The following NELL1 variants were observed in gnomAD, a reference collection of about 807,000 sequenced individuals.
The protein encoded by NELL1 is neural EGFL like 1, also known as protein kinase C-binding protein NELL1.
Under a neutral mutation model 107.4 loss-of-function variants are expected in NELL1, and 76 were observed. The ratio of observed to expected loss-of-function variants is 0.71; its 90% CI spans 0.59 to 0.86. The LOEUF (loss-of-function observed/expected upper bound fraction) is 0.86, where lower values mean the gene tolerates loss of function less well. Among genes scored for constraint, NELL1 ranks in the 40% least tolerant of loss-of-function variants. The pLI is 0.00. For missense variants in NELL1, 1,024 were observed against 1,005.5 expected (o/e 1.02, Z -0.25); for synonymous variants, 353 against 341.2 (o/e 1.03, Z -0.38).
chr11:21,418,725 A>G (rs1194055220), intron 15 of NELL1, among the ~76,000 whole-genome samples: 2 of 152,150 alleles, frequency 1.3e-5, no homozygotes, highest in Non-Finnish European at 2.9e-5. Context: ...ATATAAGTAG[A>G]AGTAACTTGT....
In NELL1 at chr11:21,415,059, C is replaced by T. The variant is rs140280022; in HGVS notation, c.1645+44111C>T. ...CTCTTGAATTACTCAGTTAACCATACCAAGTTTATGCTATTCACTCCTGCA... is the reference window on the plus strand; with the variant it reads ...CTCTTGAATTACTCAGTTAACCATATCAAGTTTATGCTATTCACTCCTGCA... On this transcript the variant is annotated intron_variant, in intron 15 of 19. Transcript: ENST00000357134. 7.2e-4 allele frequency among the ~76,000 whole-genome samples: 109 copies of T among 152,170 alleles called. 1 individual carries two copies. Among genetic ancestry groups the T allele is most frequent in the Non-Finnish European group, 1.3e-3 (91 of 67,972 alleles).
chr11:21,520,970 G>A (rs765005848), intron 15 of NELL1, among the ~76,000 whole-genome samples: 1 of 152,214 alleles, frequency 6.6e-6, no homozygotes, highest in Non-Finnish European at 1.5e-5. Flanking sequence ...GTTCAATAGA[G>A]TCCTATGGTT....
chr11:21,344,393 A>G (rs1312153388), intron 14 of NELL1, among the ~76,000 whole-genome samples: 1 of 152,150 alleles, frequency 6.6e-6, no homozygotes, highest in Non-Finnish European at 1.5e-5. Context: ...TGGGCTTGAA[A>G]TCTGGTGTAG....
intron 15 of NELL1, among the ~76,000 whole-genome samples, chr11:21,397,614 C>T (rs909311352): frequency 2.0e-5 from 3 of 151,506 alleles, no homozygotes; most frequent in African/African-American, 7.3e-5. Context: ...TTTATAATTA[C>T]ACAAATAGGT....
intron 5 of NELL1, among the ~76,000 whole-genome samples, chr11:20,896,321 C>A (rs1018641180): frequency 2.0e-5 from 3 of 152,146 alleles, no homozygotes; most frequent in African/African-American, 7.2e-5. Context: ...ATTTCATTTC[C>A]TTTTATGGCT....
intron 2 of NELL1, among the ~76,000 whole-genome samples, chr11:20,711,341 C>G (rs1855108710): frequency 6.6e-6 from 1 of 152,094 alleles, no homozygotes; most frequent in Non-Finnish European, 1.5e-5. Flanking sequence ...TTCTGTCATT[C>G]TGTATTTTTT....
intron 12 of NELL1, among the ~76,000 whole-genome samples, chr11:21,043,014 A>T (rs1215666270): frequency 6.6e-6 from 1 of 152,172 alleles, no homozygotes; most frequent in Non-Finnish European, 1.5e-5. Context: ...GAATTGCAAT[A>T]AGCACACTGA....
At chr11:20,839,593 T>C (rs1848587206) in intron 3 of NELL1, among the ~76,000 whole-genome samples, 1 of 152,212 alleles carries the variant, frequency 6.6e-6, no homozygotes, top group Non-Finnish European at 1.5e-5. Flanking sequence ...CAAACGTATG[T>C]CATTTTATTC....
rs1386023770 is a variant in NELL1 at position 21,498,334 on chromosome 11, TATATATATATATAC to T, written c.1646-36026_1646-36013del. ...TTTTGCTACACATCCATAAACATAT[TATATATATATATAC>T]ATATATATATATATACAGACACACA... On this transcript the variant is annotated intron_variant, in intron 15 of 19. Transcript: ENST00000357134. Among the ~76,000 whole-genome samples the T allele has an allele frequency of 5.2e-5, 3 of 57,476 alleles. No homozygotes were observed. In the East Asian group the frequency reaches 1.3e-3, roughly 25 times the overall value. The allele number at this position is 57,476 out of a possible 152,430, so 37.7% of individuals were successfully genotyped here. A position where few individuals can be genotyped will look rare whatever the true frequency, so the allele number is the denominator to read the frequency against.
chr11:21,555,438 G>A (rs1448093037), intron 16 of NELL1, among the ~76,000 whole-genome samples: 4 of 151,834 alleles, frequency 2.6e-5, no homozygotes, highest in African/African-American at 4.8e-5. Flanking sequence ...GAGTAAATGC[G>A]GATAGTTGCT....
intron 12 of NELL1, among the ~76,000 whole-genome samples, chr11:21,002,210 C>G (rs1405386824): frequency 1.5e-5 from 2 of 137,186 alleles, no homozygotes; most frequent in Admixed American, 7.0e-5. Flanking sequence ...CTACAGCTAG[C>G]ATTTCAGAGG....
intron 3 of NELL1, among the ~76,000 whole-genome samples, chr11:20,836,287 C>A (rs1309090220): frequency 1.1e-4 from 16 of 146,160 alleles, no homozygotes; most frequent in South Asian, 4.3e-4. Context: ...AAAAAAAAAA[C>A]CCCAACAATA....
chr11:21,240,934 GA>G (rs1858341350), intron 14 of NELL1, among the ~76,000 whole-genome samples: 1 of 151,990 alleles, frequency 6.6e-6, no homozygotes, highest in East Asian at 1.9e-4. Flanking sequence ...AGAGGGAGTG[GA>G]AATCTGACAC....
At chr11:20,683,400 G>A (rs1854235108) in intron 2 of NELL1, among the ~76,000 whole-genome samples, 1 of 151,898 alleles carries the variant, frequency 6.6e-6, no homozygotes, top group African/African-American at 2.4e-5. Flanking sequence ...GTATACAAAC[G>A]ATCCCATCAC....
chr11:21,476,959 C>T (rs577486182), intron 15 of NELL1, among the ~76,000 whole-genome samples: 36 of 152,266 alleles, frequency 2.4e-4, no homozygotes, highest in Admixed American at 2.0e-3. Context: ...AACCTGAGTT[C>T]TGGCAAGGCT....
At chr11:20,801,366 A>G (rs1015445314) in intron 3 of NELL1, among the ~76,000 whole-genome samples, 1 of 152,228 alleles carries the variant, frequency 6.6e-6, no homozygotes, top group African/African-American at 2.4e-5. Flanking sequence ...CAGAATGCAA[A>G]GCCCCATCTG....
chr11:21,394,190 T>G (rs1051261838), intron 15 of NELL1, among the ~76,000 whole-genome samples: 1 of 151,568 alleles, frequency 6.6e-6, no homozygotes, highest in African/African-American at 2.4e-5. Flanking sequence ...ATCTCCAATT[T>G]GCTATTTAAA....
At chr11:21,222,768 T>C (rs1405738778) in intron 13 of NELL1, among the ~76,000 whole-genome samples, 1 of 152,186 alleles carries the variant, frequency 6.6e-6, no homozygotes, top group Non-Finnish European at 1.5e-5. Context: ...ATGATTTCCA[T>C]CTTAATTTCT....
intron 12 of NELL1, among the ~76,000 whole-genome samples, chr11:21,015,895 G>C (rs545461557): frequency 1.3e-5 from 2 of 152,146 alleles, no homozygotes; most frequent in South Asian, 4.2e-4. Flanking sequence ...CCGTTTCTGG[G>C]TGACTGTTTT....
Sources: gnomAD v4.1 joint callset for allele counts (sites outside exome capture counted in the v4.1 genomes callset) on GRCh38, gnomAD v4.1.1 for gene constraint, MANE v1.5 for transcripts, NCBI Gene and HGNC (gene_info 2026-07-23, HGNC 2026-07-21) for gene names.